Variants in CR1 observed in about 807,000 individuals in gnomAD.
The protein encoded by CR1 is complement C3b/C4b receptor 1 (Knops blood group).
Under a neutral mutation model 187.3 loss-of-function variants are expected in CR1, and 116 were observed. The observed-to-expected ratio is 0.62, with a 90% CI of 0.53 to 0.72. The LOEUF is 0.72. CR1 is among the 30% of genes least tolerant of loss of function. CR1 has a pLI of 0.00. For missense variants in CR1, 1,731 were observed against 2,110.7 expected (o/e 0.82, Z 3.52); for synonymous variants, 576 against 747.1 (o/e 0.77, Z 3.73).
chr1:207,619,819 G>T (rs770011817), intron 42 of CR1, 61 bp from the exon 43 acceptor site: 6 of 1,445,326 alleles, frequency 4.2e-6, no homozygotes, highest in Admixed American at 2.3e-5. Flanking sequence ...TCCTATTCTC[G>T]CAGTTAAAAC....
intron 43 of CR1, 116 bp from the exon 44 acceptor site, chr1:207,621,857 A>T (rs1020283145): frequency 6.4e-5 from 46 of 719,628 alleles, no homozygotes; most frequent in Non-Finnish European, 9.5e-5. Flanking sequence ...TGCATTAGAA[A>T]AAATATTAGA....
intron 35 of CR1, among the ~76,000 whole-genome samples, chr1:207,593,013 T>C (rs183710714): frequency 7.0e-6 from 1 of 142,122 alleles, no homozygotes; most frequent in East Asian, 2.1e-4. Context: ...AAAATGGCCA[T>C]ACTGCCCAAG....
intron 31 of CR1, among the ~76,000 whole-genome samples, chr1:207,581,331 C>CA (rs558388461): frequency 8.5e-5 from 11 of 128,798 alleles, no homozygotes; most frequent in African/African-American, 4.9e-4. Flanking sequence ...TATACATGTA[C>CA]ATGTGTATAT....
chr1:207,575,802 T>C (rs1255320606), intron 28 of CR1, 122 bp downstream of exon 28: 71 of 1,485,032 alleles, frequency 4.8e-5, no homozygotes, highest in African/African-American at 6.9e-5. Context: ...TTGAAGAATC[T>C]AGTCATATCC....
At chr1:207,499,060 T>G (rs376818277) in intron 1 of CR1, among the ~76,000 whole-genome samples, 2 of 152,210 alleles carry the variant, frequency 1.3e-5, no homozygotes, top group East Asian at 3.9e-4. Context: ...ATGCACCATT[T>G]GAAACAGATC....
At chr1:207,516,447 T>C (rs934799563) in intron 4 of CR1, among the ~76,000 whole-genome samples, 1 of 152,216 alleles carries the variant, frequency 6.6e-6, no homozygotes, top group African/African-American at 2.4e-5. Flanking sequence ...CCTAACTATG[T>C]GCATCTTCAA....
intron 2 of CR1, among the ~76,000 whole-genome samples, chr1:207,506,493 A>G (rs1216010351): frequency 2.0e-5 from 3 of 152,186 alleles, no homozygotes; most frequent in Admixed American, 2.0e-4. Flanking sequence ...TTTTTCTGGG[A>G]GGCATAATAT....
intron 33 of CR1, among the ~76,000 whole-genome samples, chr1:207,586,010 C>CA (rs1211506365): frequency 2.6e-5 from 4 of 151,920 alleles, no homozygotes; most frequent in Admixed American, 6.6e-5. Flanking sequence ...AACTGTAAAA[C>CA]AAAAAAAGTA....
rs748382610 is a variant in CR1 at position 207,506,802 on chromosome 1, T to C, written c.390T>C (p.Ser130=). 1 of 1,612,910 alleles carries C rather than the reference T, an allele frequency of 6.2e-7. No homozygotes were observed. Among genetic ancestry groups the C allele is most frequent in the Non-Finnish European group, 8.5e-7 (1 of 1,179,066 alleles). The change falls in exon 3 of 47, where the codon TCT becomes TCC. Residue 130 remains serine, a synonymous_variant. Transcript: ENST00000367049. ...AGTTCGGATCCCAAATTAAATATTC[T>C]TGTACTAAAGGGTGAGTTGGCATCT... ...GIQFGSQIKY[S]CTKGYRLIGS... is the part of the protein sequence containing the mutation.
At chr1:207,614,824 T>A (rs1252761153) in intron 40 of CR1, among the ~76,000 whole-genome samples, 1 of 152,182 alleles carries the variant, frequency 6.6e-6, no homozygotes, top group East Asian at 1.9e-4. Flanking sequence ...TTTTTATTTT[T>A]ATTTTTATTT....
At chr1:207,585,630 C>G (rs1306393842) in intron 33 of CR1, among the ~76,000 whole-genome samples, 1 of 152,172 alleles carries the variant, frequency 6.6e-6, no homozygotes, top group Non-Finnish European at 1.5e-5. Flanking sequence ...CACAGGGAAG[C>G]CCTGAGAGAC....
chr1:207,595,358 A>T (rs1661398876), intron 35 of CR1, among the ~76,000 whole-genome samples: 1 of 152,148 alleles, frequency 6.6e-6, no homozygotes, highest in Non-Finnish European at 1.5e-5. Context: ...TCAGGCTATA[A>T]AGAAAAATAC....
At chr1:207,576,805 G>C (rs1422966901) in intron 28 of CR1, among the ~76,000 whole-genome samples, 1 of 152,116 alleles carries the variant, frequency 6.6e-6, no homozygotes, top group East Asian at 1.9e-4. Flanking sequence ...GGGCAGCAGA[G>C]CCAGACCTTG....
Position 207,567,858 on chromosome 1 carries a change from T to A in CR1, c.3987T>A (p.Asn1329Lys). Residue 1329 changes from asparagine (N) to lysine (K), a missense_variant, in exon 25 of 47, where the codon AAT becomes AAA. This residue lies in a region of CR1 where 1,312 missense variants were observed against 1,379.6 expected (regional missense o/e 0.95). Transcript: ENST00000367049. ...IFCPSPPVIP[N>K]GRHTGKPLEV... ...GTCCAAGTCCTCCAGTTATTCCTAA[T>A]GGGAGACACACAGGAAAACCTCTGG... The A allele has an allele frequency of 6.2e-7, 1 of 1,611,010 alleles. No individual in the cohort carries two copies.
chr1:207,586,592 G>A (rs1039412575), intron 33 of CR1, among the ~76,000 whole-genome samples: 1 of 152,190 alleles, frequency 6.6e-6, no homozygotes, highest in Non-Finnish European at 1.5e-5. Flanking sequence ...TGAGATGTTG[G>A]CAGAGGTATT....
intron 46 of CR1, among the ~76,000 whole-genome samples, chr1:207,637,992 T>A (rs574555925): frequency 3.3e-5 from 5 of 152,254 alleles, no homozygotes; most frequent in Non-Finnish European, 7.3e-5. Flanking sequence ...GGCTGTTCTT[T>A]TTACCAGTAA....
rs576790701 is a variant in CR1, at chr1:207,612,137, T to C, written c.6575+96T>C. 81 of 1,253,564 alleles carry C rather than the reference T, an allele frequency of 6.5e-5. 1 individual carries two copies. In the South Asian group the frequency reaches 9.6e-4, roughly 15 times the overall value. 77.7% of individuals were successfully genotyped at this position (1,253,564 alleles called of 1,614,324 possible). ...CCAATTAAGGAGCTGACCTAGTAGA[T>C]AAGAAGTACCCAGAGAGATTAATTT... is the stretch of plus-strand genomic sequence containing the variant. On this transcript the variant is annotated intron_variant, in intron 39 of 46. Coordinates refer to ENST00000367049, the MANE Select transcript of CR1 (RefSeq NM_000651.6).
At chr1:207,498,882 A>AAAAAAG (rs1659175135) in intron 1 of CR1, among the ~76,000 whole-genome samples, 1 of 149,058 alleles carries the variant, frequency 6.7e-6, no homozygotes, top group African/African-American at 2.4e-5. Flanking sequence ...CAAATCAAAA[A>AAAAAAG]AAAAAAAAAA....
At chr1:207,521,161 G>A (rs12091467) in intron 4 of CR1, among the ~76,000 whole-genome samples, 1 of 151,820 alleles carries the variant, frequency 6.6e-6, no homozygotes, top group African/African-American at 2.4e-5. Flanking sequence ...CCTTTTAGTA[G>A]AGATGGGTTT....
Sources: allele counts gnomAD v4.1 joint callset (sites outside exome capture counted in the v4.1 genomes callset), GRCh38; gene constraint gnomAD v4.1.1; regional missense constraint gnomAD v4.1.1; transcripts MANE v1.5; gene names NCBI Gene and HGNC (gene_info 2026-07-23, HGNC 2026-07-21).